Variants in NCALD observed in about 807,000 individuals in gnomAD.
The protein encoded by NCALD is neurocalcin-delta.
NCALD carries 10 observed loss-of-function variants against 18.6 expected under a neutral mutation model. The observed-to-expected ratio is 0.54, with a 90% CI of 0.33 to 0.91. NCALD has a LOEUF of 0.91. NCALD is among the 40% of genes least tolerant of loss of function. The pLI is 0.03. For synonymous variants in NCALD, 88 were observed against 87.4 expected (o/e 1.01, Z -0.04); for missense variants, 184 against 247.6 (o/e 0.74, Z 1.72).
intron 4 of NCALD, among the ~76,000 whole-genome samples, chr8:101,821,247 A>G (rs1813706558): frequency 6.6e-6 from 1 of 152,222 alleles, no homozygotes; most frequent in Admixed American, 6.5e-5. Flanking sequence ...TAGTGATCAA[A>G]TTGATTTTTA....
chr8:102,014,289 T>C (rs934591767), intron 2 of NCALD, among the ~76,000 whole-genome samples: 1 of 152,216 alleles, frequency 6.6e-6, no homozygotes, highest in African/African-American at 2.4e-5. Flanking sequence ...GGTGCCTTCC[T>C]GCTATGTCCT....
intron 1 of NCALD, among the ~76,000 whole-genome samples, chr8:101,763,196 G>C (rs1811186243): frequency 6.6e-6 from 1 of 152,182 alleles, no homozygotes; most frequent in African/African-American, 2.4e-5. Context: ...GATAAAGTTA[G>C]AGTAAAGGAG....
At chr8:102,025,583 C>T (rs1420467956) in intron 1 of NCALD, among the ~76,000 whole-genome samples, 1 of 152,204 alleles carries the variant, frequency 6.6e-6, no homozygotes, top group African/African-American at 2.4e-5. Context: ...GTAGAAAAGT[C>T]CACTGCCTCC....
intron 4 of NCALD, among the ~76,000 whole-genome samples, chr8:101,828,905 C>T (rs1487285536): frequency 7.5e-6 from 1 of 133,234 alleles, no homozygotes; most frequent in Non-Finnish European, 1.6e-5. Flanking sequence ...GTGATCAATA[C>T]ATATTTGTAG....
intron 1 of NCALD, among the ~76,000 whole-genome samples, chr8:102,052,128 T>C (rs538831586): frequency 6.6e-6 from 1 of 152,354 alleles, no homozygotes; most frequent in African/African-American, 2.4e-5. Flanking sequence ...AAGAACTACT[T>C]TTAAAGCATT....
intron 1 of NCALD, among the ~76,000 whole-genome samples, chr8:102,053,397 G>T (rs1381968535): frequency 1.3e-5 from 2 of 151,728 alleles, no homozygotes; most frequent in East Asian, 1.9e-4. Flanking sequence ...TTCTTAACTG[G>T]CTATAAAAAG....
intron 4 of NCALD, among the ~76,000 whole-genome samples, chr8:101,813,347 G>GA (rs1813376271): frequency 6.6e-6 from 1 of 152,038 alleles, no homozygotes; most frequent in South Asian, 2.1e-4. Context: ...TAGAGGAATT[G>GA]AAAAGGATAC....
intron 1 of NCALD, among the ~76,000 whole-genome samples, chr8:102,067,695 T>C (rs1330363058): frequency 3.9e-5 from 6 of 152,172 alleles, no homozygotes; most frequent in South Asian, 2.1e-4. Flanking sequence ...CCTCTGGAAT[T>C]TGTAGCCCCA....
chr8:101,855,931 C>T (rs943244704), intron 4 of NCALD, among the ~76,000 whole-genome samples: 9 of 152,122 alleles, frequency 5.9e-5, no homozygotes, highest in African/African-American at 2.2e-4. Flanking sequence ...TATTTGAAGT[C>T]CAGAGACGAT....
At chr8:101,972,746 G>T (rs1329544703) in intron 2 of NCALD, among the ~76,000 whole-genome samples, 3 of 152,182 alleles carry the variant, frequency 2.0e-5, no homozygotes, top group Admixed American at 6.5e-5. Context: ...AGCCTTGAAA[G>T]ATGAGTAAAC....
At chr8:102,088,469 G>C (rs537140313) in intron 1 of NCALD, among the ~76,000 whole-genome samples, 10 of 151,942 alleles carry the variant, frequency 6.6e-5, no homozygotes, top group African/African-American at 2.4e-4. Context: ...TTAAAAGTCA[G>C]CTTAATTAAA....
intron 1 of NCALD, among the ~76,000 whole-genome samples, chr8:102,055,250 T>C (rs906428820): frequency 2.4e-5 from 3 of 127,034 alleles, no homozygotes; most frequent in East Asian, 2.3e-4. Flanking sequence ...ATTCATGATA[T>C]GAAAAAAAAA....
intron 2 of NCALD, among the ~76,000 whole-genome samples, chr8:101,956,033 C>A (rs1348608894): frequency 6.6e-6 from 1 of 152,004 alleles, no homozygotes; most frequent in Non-Finnish European, 1.5e-5. Flanking sequence ...AAAATGTGAA[C>A]CCATAGGAGA....
At chr8:102,013,823 A>G (rs1245063877) in intron 2 of NCALD, among the ~76,000 whole-genome samples, 1 of 152,222 alleles carries the variant, frequency 6.6e-6, no homozygotes, top group Non-Finnish European at 1.5e-5. Context: ...TTTCTATGGA[A>G]TTAAAGGAAA....
rs1131863 is a variant in NCALD, at chr8:101,688,067, T to C, written c.*1242A>G. On this transcript the variant is annotated 3_prime_UTR_variant, in exon 4 of 4. Transcript: ENST00000220931. Reference sequence around the variant, plus strand: ...AGACCTGGCTCCCTAACCATGCACATAGATTAAACCACTGGGAAGTTCCAA... The same window carrying C: ...AGACCTGGCTCCCTAACCATGCACACAGATTAAACCACTGGGAAGTTCCAA... 34,342 of 152,212 alleles carry C rather than the reference T, an allele frequency of 0.23. 4,292 individuals are homozygous for C. The highest frequency in any genetic ancestry group is 0.33 in the Middle Eastern group (96 of 292). The allele number at this position is 152,212 out of a possible 1,614,324, so 9.4% of individuals were successfully genotyped here.
intron 1 of NCALD, among the ~76,000 whole-genome samples, chr8:101,790,516 T>C (rs1003254971): frequency 2.0e-5 from 3 of 152,210 alleles, no homozygotes; most frequent in Admixed American, 6.5e-5. Flanking sequence ...TGCAAGGCTA[T>C]GCTGGAGTTT....
intron 1 of NCALD, among the ~76,000 whole-genome samples, chr8:101,755,904 G>C (rs529214777): frequency 6.6e-6 from 1 of 152,202 alleles, no homozygotes; most frequent in African/African-American, 2.4e-5. Flanking sequence ...GTGGTGACAA[G>C]AGATTCTCAA....
At chr8:101,725,683 C>A (rs531013887) in intron 1 of NCALD, among the ~76,000 whole-genome samples, 2 of 152,186 alleles carry the variant, frequency 1.3e-5, no homozygotes, top group African/African-American at 4.8e-5. Flanking sequence ...CGGCCCCACA[C>A]CTTCTTGCCT....
intron 4 of NCALD, among the ~76,000 whole-genome samples, chr8:101,831,141 G>GA (rs1156981557): frequency 2.0e-5 from 3 of 152,002 alleles, no homozygotes; most frequent in Non-Finnish European, 4.4e-5. Flanking sequence ...ATTATTTTTA[G>GA]AAAAAATTAT....
Sources: allele counts gnomAD v4.1 joint callset (sites outside exome capture counted in the v4.1 genomes callset), GRCh38; gene constraint gnomAD v4.1.1; transcripts MANE v1.5; gene names NCBI Gene and HGNC (gene_info 2026-07-23, HGNC 2026-07-21).